The following PTGR1 variants were observed in gnomAD, a reference collection of about 807,000 sequenced individuals.
PTGR1 encodes 15-oxoprostaglandin 13-reductase.
PTGR1 carries 23 observed loss-of-function variants against 37.7 expected under a neutral mutation model. That is an observed-to-expected ratio of 0.61 (90% CI 0.44 to 0.86). PTGR1 has a LOEUF of 0.86. PTGR1 is among the 40% of genes least tolerant of loss of function. The probability of loss-of-function intolerance (pLI) is 0.00; values close to 1 mark genes in which losing one functional copy is unlikely to be tolerated. For missense variants in PTGR1, 351 were observed against 394.3 expected, an observed-to-expected ratio of 0.89 and a Z score of 0.93; for synonymous variants, 134 against 140.0, an observed-to-expected ratio of 0.96 and a Z score of 0.30.
At position 111,574,816 on chromosome 9, in the gene PTGR1, AAC is replaced by A. The variant is rs1163940494; in HGVS notation, c.676_677del (p.Val226TyrfsTer20). 3 of 1,613,726 alleles carry A rather than the reference AAC, an allele frequency of 1.9e-6. No homozygotes were observed. In the South Asian group the frequency reaches 3.3e-5, roughly 18 times the overall value. On this transcript the variant is annotated frameshift_variant, in exon 8 of 10. Coordinates refer to ENST00000407693, the MANE Select transcript of PTGR1 (RefSeq NM_001146108.2). LOFTEE classifies it high-confidence loss of function. ...TTCCAAATTTCTTCATCTGGCCGAT[AAC>A]AGTGTTTGAAAACTCTCCACCTACC... ...DNVGGEFSNT[V>X]IGQMKKFGRI... is the part of the protein sequence containing the mutation.
chr9:111,597,310 G>A lies in PTGR1; in HGVS notation c.106+7C>T. On this transcript the variant is annotated splice_region_variant and intron_variant, in intron 2 of 9. Transcript: ENST00000407693. ...TCCAACTCTGAAATATTTTTAGTAT[G>A]ACTTACCTCCATTTTTTAAGGGTGG... is the stretch of plus-strand genomic sequence containing the variant. The A allele has an allele frequency of 6.3e-7, 1 of 1,585,130 alleles. No homozygotes were observed. Among genetic ancestry groups the A allele is most frequent in the Non-Finnish European group, 8.7e-7 (1 of 1,154,884 alleles).
Position 111,576,566 on chromosome 9 carries a change from G to C in PTGR1, c.652-1724C>G, listed in dbSNP as rs73656267. Reference sequence around the variant, plus strand: ...GGTATTAGCTAGTGGAGTGGCCATAGGCAAGTTACTTAACACTTCTGAACC... The same window carrying C: ...GGTATTAGCTAGTGGAGTGGCCATACGCAAGTTACTTAACACTTCTGAACC... On this transcript the variant is annotated intron_variant, in intron 7 of 9. Coordinates refer to ENST00000407693, the MANE Select transcript of PTGR1 (RefSeq NM_001146108.2). 4.2e-3 allele frequency: 3,707 copies of C among 891,482 alleles called. 101 individuals are homozygous for C. The African/African-American group carries it at 0.055, about 13-fold the overall frequency. 55.2% of individuals were successfully genotyped at this position (891,482 alleles called of 1,614,324 possible).
chr9:111,563,895 C>G (rs533687383), intron 9 of PTGR1: 1 of 152,444 alleles, frequency 6.6e-6, no homozygotes, highest in African/African-American at 2.4e-5. Flanking sequence ...AAAAGAGCAC[C>G]CTTCATTACC....
chr9:111,561,179 A>AGAGAGAGAGAGAGAGAGAG, downstream of PTGR1, among the ~76,000 whole-genome samples: 1 of 45,542 alleles, frequency 2.2e-5, no homozygotes, highest in South Asian at 6.8e-4. Flanking sequence ...GAGAGAGAGA[A>AGAGAGAGAGAGAGAGAGAG]AGAGAGAGAG....
chr9:111,589,095 G>A (rs1291495111), intron 4 of PTGR1, among the ~76,000 whole-genome samples: 1 of 152,168 alleles, frequency 6.6e-6, no homozygotes, highest in African/African-American at 2.4e-5. Flanking sequence ...CACCATCAAT[G>A]TATGAGTGTA....
At chr9:111,586,526 C>T (rs111535710) in intron 4 of PTGR1, among the ~76,000 whole-genome samples, 7 of 152,146 alleles carry the variant, frequency 4.6e-5, no homozygotes, top group African/African-American at 9.7e-5. Context: ...TTTCCAGAAT[C>T]GTTGAGATTT....
chr9:111,562,726 A>G lies in PTGR1; in HGVS notation c.*395T>C, dbSNP rs536539582. On this transcript the variant is annotated 3_prime_UTR_variant, in exon 10 of 10. Coordinates refer to ENST00000407693, the MANE Select transcript of PTGR1 (RefSeq NM_001146108.2). ...GTATTAGCCCCCGAAGGCATTAGCT[A>G]TTTATCCTGATGCTCTCCCTCCCTC... is the stretch of plus-strand genomic sequence containing the variant. 5 of 175,230 alleles carry G rather than the reference A, an allele frequency of 2.9e-5. No homozygotes were observed. Among genetic ancestry groups the G allele is most frequent in the Admixed American group, 1.2e-4 (2 of 17,348 alleles). 10.9% of individuals were successfully genotyped at this position (175,230 alleles called of 1,614,324 possible). A position where few individuals can be genotyped will look rare whatever the true frequency, so the allele number is the denominator to read the frequency against.
chr9:111,589,396 C>A, intron 4 of PTGR1: 1 of 889,304 alleles, frequency 1.1e-6, no homozygotes. Context: ...GTCATTGAGA[C>A]ACAAAATTTA....
chr9:111,595,064 A>G (rs1267396224), intron 2 of PTGR1, among the ~76,000 whole-genome samples: 1 of 151,904 alleles, frequency 6.6e-6, no homozygotes, highest in African/African-American at 2.4e-5. Flanking sequence ...CATGTTGGCC[A>G]GGCTGGTCTC....
chr9:111,552,090 C>T (rs1827980995), intron 9 of PTGR1, among the ~76,000 whole-genome samples: 1 of 152,198 alleles, frequency 6.6e-6, no homozygotes, highest in Admixed American at 6.5e-5. Context: ...TTAGCTTGTT[C>T]ATATGCAGCG....
At chr9:111,561,139 GAGA>G (rs1564608041), downstream of PTGR1, among the ~76,000 whole-genome samples, 10 of 15,558 alleles carry the variant, frequency 6.4e-4, no homozygotes, top group African/African-American at 4.6e-3. Context: ...AGAGAGAGAG[GAGA>G]GAGAGGGAGA....
At chr9:111,586,323 C>T (rs560892389) in intron 4 of PTGR1, among the ~76,000 whole-genome samples, 158 bp from the exon 5 acceptor site, 4 of 152,234 alleles carry the variant, frequency 2.6e-5, no homozygotes, top group African/African-American at 7.2e-5. Context: ...TCTTAGCCAT[C>T]GGCATAGGGG....
Position 111,574,819 on chromosome 9 carries a change from AGTG to A in PTGR1, c.672_674del (p.Thr225del). The A allele has an allele frequency of 6.2e-7, 1 of 1,613,812 alleles. No homozygotes were observed. The highest frequency in any genetic ancestry group is 8.5e-7 in the Non-Finnish European group (1 of 1,179,812). On this transcript the variant is annotated inframe_deletion, in exon 8 of 10. Coordinates refer to ENST00000407693, the MANE Select transcript of PTGR1 (RefSeq NM_001146108.2). The stretch of plus-strand genomic sequence containing the variant: ...CAAATTTCTTCATCTGGCCGATAAC[AGTG>A]TTTGAAAACTCTCCACCTACCTAAA...
At position 111,586,129 on chromosome 9, in the gene PTGR1, T is replaced by C. The variant is rs147893519; in HGVS notation, c.246A>G (p.Gly82=). The C allele has an allele frequency of 4.0e-4, 644 of 1,614,154 alleles. 1 individual carries two copies. The highest frequency in any genetic ancestry group is 4.9e-4 in the Middle Eastern group (3 of 6,062). Residue 82 remains glycine (G), a synonymous_variant, in exon 5 of 10, where the codon GGA becomes GGG. Transcript: ENST00000407693. Reference sequence around the variant, plus strand: ...AGCCTGGAGAAGCCAGTACAATAGTTCCTTTTGGTAGGGCTACATTTTTAC... The same window carrying C: ...AGCCTGGAGAAGCCAGTACAATAGTCCCTTTTGGTAGGGCTACATTTTTAC... ...VESKNVALPK[G]TIVLASPGWT...
At chr9:111,571,552 C>T (rs1417799046) in intron 8 of PTGR1, among the ~76,000 whole-genome samples, 2 of 133,316 alleles carry the variant, frequency 1.5e-5, no homozygotes, top group East Asian at 3.3e-4. Flanking sequence ...CATCACTGCT[C>T]AATGCAGCCT....
intron 3 of PTGR1, among the ~76,000 whole-genome samples, chr9:111,593,840 C>T (rs1432636295): frequency 6.6e-6 from 1 of 152,136 alleles, no homozygotes; most frequent in Non-Finnish European, 1.5e-5. Flanking sequence ...CCTGCGCCAC[C>T]AGGCCTGGCT....
In PTGR1 at chr9:111,551,414, T is replaced by G. The variant is rs10980936; in HGVS notation, c.880-1615A>C. On this transcript the variant is annotated intron_variant, in intron 9 of 9. Transcript: ENST00000538962. ...ATCCAGTTTTTGTTTTTTTTTTTTT[T>G]TTTTTTTTTTTGAGATGGAGTCTCA... Among the ~76,000 whole-genome samples, 121 of 141,824 alleles carry G rather than the reference T, an allele frequency of 8.5e-4. 4 individuals are homozygous for G. The East Asian group carries it at 0.021, about 25-fold the overall frequency. The allele number at this position is 141,824 out of a possible 152,430, so 93.0% of individuals were successfully genotyped here. A position where few individuals can be genotyped will look rare whatever the true frequency, so the allele number is the denominator to read the frequency against.
chr9:111,549,732 G>T, exon 10 of PTGR1: 1 of 1,549,224 alleles, frequency 6.5e-7, no homozygotes, highest in Non-Finnish European at 8.7e-7. Context: ...TAAGGTAATG[G>T]TGAATGATAC....
intron 4 of PTGR1, 59 bp from the exon 5 acceptor site, chr9:111,586,224 AGT>A: frequency 1.9e-6 from 3 of 1,547,846 alleles, no homozygotes; most frequent in Non-Finnish European, 2.7e-6. Context: ...CTTTCAAGGG[AGT>A]CAGGATGCTG....
Sources: allele counts gnomAD v4.1 joint callset (sites outside exome capture counted in the v4.1 genomes callset), GRCh38; gene constraint gnomAD v4.1.1; transcripts MANE v1.5; gene names NCBI Gene and HGNC (gene_info 2026-07-23, HGNC 2026-07-21).